FBXL17: variants seen among roughly 807,000 people sequenced by gnomAD.
FBXL17 encodes the protein F-box and leucine rich repeat protein 17.
A neutral mutation model predicts 66.2 loss-of-function variants in FBXL17; 22 were observed. That is an observed-to-expected ratio of 0.33 (90% CI 0.24 to 0.47). The LOEUF is 0.47. FBXL17 is among the 20% of genes least tolerant of loss of function. The pLI is 1.00. For missense variants in FBXL17, 878 were observed against 948.2 expected (o/e 0.93, Z 0.97); for synonymous variants, 474 against 400.5 (o/e 1.18, Z -2.19).
intron 6 of FBXL17, among the ~76,000 whole-genome samples, chr5:108,048,157 TG>T (rs931876237): frequency 6.6e-5 from 10 of 152,150 alleles, no homozygotes; most frequent in Admixed American, 6.5e-4. Context: ...GCAAAGCAGA[TG>T]AAGAGGGCTT....
At chr5:108,239,957 C>T (rs528911488) in intron 4 of FBXL17, among the ~76,000 whole-genome samples, 7 of 151,908 alleles carry the variant, frequency 4.6e-5, no homozygotes, top group African/African-American at 9.7e-5. Context: ...ACACCCTCAG[C>T]GAGAAAAGAA....
chr5:108,250,520 T>C (rs1756303196), intron 4 of FBXL17, among the ~76,000 whole-genome samples: 1 of 152,142 alleles, frequency 6.6e-6, no homozygotes, highest in Admixed American at 6.6e-5. Context: ...AATCACTTGC[T>C]GGTTTTTACT....
chr5:108,199,255 C>T (rs142426915), intron 5 of FBXL17, among the ~76,000 whole-genome samples: 2 of 152,220 alleles, frequency 1.3e-5, no homozygotes, highest in African/African-American at 4.8e-5. Flanking sequence ...GACAGGATAA[C>T]ATGAATTGTC....
At chr5:108,039,023 A>T (rs1017775271) in intron 6 of FBXL17, among the ~76,000 whole-genome samples, 2 of 152,122 alleles carry the variant, frequency 1.3e-5, no homozygotes, top group African/African-American at 4.8e-5. Context: ...TTTTAAAGAT[A>T]CAAATGTTTA....
chr5:108,076,233 G>A (rs1463081977), intron 6 of FBXL17, among the ~76,000 whole-genome samples: 1 of 152,164 alleles, frequency 6.6e-6, no homozygotes, highest in African/African-American at 2.4e-5. Flanking sequence ...GTTTAGACAA[G>A]TGACCATAGT....
intron 4 of FBXL17, among the ~76,000 whole-genome samples, chr5:108,334,500 C>T (rs1760283278): frequency 6.6e-6 from 1 of 152,162 alleles, no homozygotes; most frequent in Non-Finnish European, 1.5e-5. Context: ...GATGTGCTGC[C>T]AACAGAATGT....
At chr5:107,911,210 G>C (rs191523787) in intron 7 of FBXL17, among the ~76,000 whole-genome samples, 3 of 152,190 alleles carry the variant, frequency 2.0e-5, no homozygotes, top group African/African-American at 7.2e-5. Flanking sequence ...TAGCTGAAGA[G>C]ATTCCAGGAA....
chr5:108,370,149 G>A (rs1265480302), intron 1 of FBXL17, among the ~76,000 whole-genome samples: 2 of 152,160 alleles, frequency 1.3e-5, no homozygotes, highest in Non-Finnish European at 2.9e-5. Flanking sequence ...TGCAGGCATG[G>A]GGAGAACATG....
intron 4 of FBXL17, among the ~76,000 whole-genome samples, chr5:108,272,185 G>A (rs1346115894): frequency 6.6e-6 from 1 of 151,984 alleles, no homozygotes; most frequent in Non-Finnish European, 1.5e-5. Flanking sequence ...CAGCTACTCA[G>A]GAGGCTGAGG....
At chr5:107,979,889 T>A (rs1244208230) in intron 7 of FBXL17, among the ~76,000 whole-genome samples, 1 of 152,108 alleles carries the variant, frequency 6.6e-6, no homozygotes, top group African/African-American at 2.4e-5. Flanking sequence ...TTAAAGTATA[T>A]GAAGAAAAGG....
chr5:108,310,581 T>C (rs1759067216), intron 4 of FBXL17, among the ~76,000 whole-genome samples: 1 of 152,118 alleles, frequency 6.6e-6, no homozygotes, highest in African/African-American at 2.4e-5. Flanking sequence ...TTCTAGTAGA[T>C]TACTTATATA....
intron 6 of FBXL17, among the ~76,000 whole-genome samples, chr5:108,031,508 T>G (rs562508654): frequency 6.6e-6 from 1 of 152,016 alleles, no homozygotes; most frequent in East Asian, 1.9e-4. Context: ...GTTAAAAAAA[T>G]CAGATGTTCA....
chr5:108,360,306 G>A (rs1008915717), intron 3 of FBXL17, among the ~76,000 whole-genome samples: 2 of 152,050 alleles, frequency 1.3e-5, no homozygotes, highest in African/African-American at 4.8e-5. Flanking sequence ...TTGCTTATCT[G>A]GAAATATCTT....
intron 4 of FBXL17, among the ~76,000 whole-genome samples, chr5:108,282,047 A>T (rs1203923731): frequency 6.6e-6 from 1 of 151,718 alleles, no homozygotes; most frequent in East Asian, 1.9e-4. Context: ...ACTCCCCAAA[A>T]AAGAAAGACT....
intron 7 of FBXL17, among the ~76,000 whole-genome samples, chr5:107,946,247 A>C (rs1445570389): frequency 2.1e-5 from 2 of 95,794 alleles, no homozygotes; most frequent in African/African-American, 4.3e-5. Flanking sequence ...ACTTTTATCA[A>C]TCTCATTTTA....
At chr5:108,277,294 A>C (rs866538291) in intron 4 of FBXL17, among the ~76,000 whole-genome samples, 1 of 152,148 alleles carries the variant, frequency 6.6e-6, no homozygotes, top group South Asian at 2.1e-4. Flanking sequence ...AAGAGAAAAT[A>C]ATCTGATTTT....
At chr5:108,370,969 G>GT (rs1405498531) in intron 1 of FBXL17, among the ~76,000 whole-genome samples, 6 of 151,310 alleles carry the variant, frequency 4.0e-5, no homozygotes, top group South Asian at 2.1e-4. Context: ...AGTTTCCTGG[G>GT]TTTTTTTTTC....
chr5:107,992,956 C>T (rs10043569), intron 7 of FBXL17, among the ~76,000 whole-genome samples: 17,053 of 151,726 alleles, frequency 0.11, 1,045 homozygotes, highest in East Asian at 0.16. Context: ...AGTGCAGTGG[C>T]GCGATCTCGG....
At chr5:108,027,091 T>C (rs1384430860) in intron 6 of FBXL17, among the ~76,000 whole-genome samples, 2 of 152,168 alleles carry the variant, frequency 1.3e-5, no homozygotes, top group Admixed American at 1.3e-4. Flanking sequence ...ATAATATTTT[T>C]CATATATTTA....
Sources: allele counts gnomAD v4.1 joint callset (sites outside exome capture counted in the v4.1 genomes callset), GRCh38; gene constraint gnomAD v4.1.1; transcripts MANE v1.5; gene names NCBI Gene and HGNC (gene_info 2026-07-23, HGNC 2026-07-21).